Variants in LRMDA observed in about 807,000 individuals in gnomAD.
The protein encoded by LRMDA is leucine rich melanocyte differentiation associated, also known as leucine-rich melanocyte differentiation-associated protein.
A neutral mutation model predicts 29.8 loss-of-function variants in LRMDA; 18 were observed. The observed-to-expected ratio is 0.60, with a 90% CI of 0.42 to 0.90. The LOEUF (loss-of-function observed/expected upper bound fraction) is 0.90. LRMDA is among the 40% of genes least tolerant of loss of function. LRMDA has a pLI of 0.00. For synonymous variants in LRMDA, 125 were observed against 109.4 expected, an observed-to-expected ratio of 1.14 and a Z score of -0.89; for missense variants, 273 against 273.9, an observed-to-expected ratio of 1.00 and a Z score of 0.02.
intron 2 of LRMDA, among the ~76,000 whole-genome samples, chr10:75,602,889 G>T (rs1564520036): frequency 6.6e-6 from 1 of 152,142 alleles, no homozygotes; most frequent in Non-Finnish European, 1.5e-5. Context: ...AAGAACGTAA[G>T]AAATACTGAG....
intron 5 of LRMDA, among the ~76,000 whole-genome samples, chr10:76,285,011 T>C (rs935018871): frequency 1.3e-5 from 2 of 152,162 alleles, no homozygotes; most frequent in African/African-American, 4.8e-5. Flanking sequence ...AGTATGAGAA[T>C]AGATAATACA....
chr10:75,845,563 A>T (rs905832037), intron 2 of LRMDA, among the ~76,000 whole-genome samples: 4 of 152,164 alleles, frequency 2.6e-5, no homozygotes, highest in African/African-American at 9.7e-5. Context: ...ATGAGGCCAT[A>T]TTCTTGCGTC....
intron 2 of LRMDA, among the ~76,000 whole-genome samples, chr10:75,790,380 A>G (rs1174995261): frequency 6.6e-6 from 1 of 152,234 alleles, no homozygotes; most frequent in Non-Finnish European, 1.5e-5. Context: ...ATTATATGCT[A>G]GACATTTAAC....
chr10:75,814,121 G>A (rs766150684), intron 2 of LRMDA, among the ~76,000 whole-genome samples: 1 of 152,212 alleles, frequency 6.6e-6, no homozygotes, highest in Non-Finnish European at 1.5e-5. Flanking sequence ...AGAGTGAAGA[G>A]GTTCCTTCTG....
intron 2 of LRMDA, among the ~76,000 whole-genome samples, chr10:75,670,687 G>T (rs1002040129): frequency 6.6e-6 from 1 of 152,108 alleles, no homozygotes; most frequent in Non-Finnish European, 1.5e-5. Flanking sequence ...CTTCCCGTTT[G>T]TCTTAGCCTG....
chr10:76,091,342 A>G (rs914218062), intron 5 of LRMDA, among the ~76,000 whole-genome samples: 5 of 151,498 alleles, frequency 3.3e-5, no homozygotes, highest in Non-Finnish European at 7.4e-5. Context: ...CTTTGTATAC[A>G]TGGTAAGTTA....
intron 3 of LRMDA, among the ~76,000 whole-genome samples, chr10:76,044,943 T>A (rs901032782): frequency 1.3e-5 from 2 of 151,986 alleles, no homozygotes; most frequent in Non-Finnish European, 2.9e-5. Flanking sequence ...TCTTGTTAGT[T>A]TCCCCCTCTT....
intron 5 of LRMDA, among the ~76,000 whole-genome samples, chr10:76,089,590 A>G (rs1236782532): frequency 6.6e-6 from 1 of 152,132 alleles, no homozygotes; most frequent in African/African-American, 2.4e-5. Flanking sequence ...CTTGTCTGTT[A>G]TGCTTGGAGG....
At chr10:75,879,056 T>C (rs1454922948) in intron 2 of LRMDA, among the ~76,000 whole-genome samples, 1 of 152,182 alleles carries the variant, frequency 6.6e-6, no homozygotes, top group East Asian at 1.9e-4. Context: ...ACACATCTGT[T>C]CCCCAGGTGA....
intron 2 of LRMDA, among the ~76,000 whole-genome samples, chr10:75,644,603 T>C (rs141468766): frequency 6.6e-6 from 1 of 152,156 alleles, no homozygotes; most frequent in South Asian, 2.1e-4. Context: ...GCAGGGTGGC[T>C]GAGCCGGCTG....
At chr10:76,462,059 C>CA (rs386371868) in intron 6 of LRMDA, among the ~76,000 whole-genome samples, 33,359 of 122,078 alleles carry the variant, frequency 0.27, 5,451 homozygotes, top group Non-Finnish European at 0.36. Flanking sequence ...AACTCTGTCT[C>CA]AAAAAAAAAA....
intron 5 of LRMDA, among the ~76,000 whole-genome samples, chr10:76,183,042 C>A (rs763424998): frequency 3.9e-4 from 59 of 152,276 alleles, no homozygotes; most frequent in Non-Finnish European, 7.5e-4. Flanking sequence ...ACAATATGGA[C>A]CCAAAAGAGG....
chr10:76,094,782 C>G (rs1250939856), intron 5 of LRMDA, among the ~76,000 whole-genome samples: 1 of 152,048 alleles, frequency 6.6e-6, no homozygotes, highest in East Asian at 1.9e-4. Flanking sequence ...ACAGAAGTAA[C>G]TACTATTAAA....
intron 2 of LRMDA, among the ~76,000 whole-genome samples, chr10:75,903,594 T>A (rs938586037): frequency 5.3e-5 from 8 of 152,204 alleles, no homozygotes; most frequent in Non-Finnish European, 7.3e-5. Flanking sequence ...ACAATAATAA[T>A]GATGATGACT....
At chr10:75,903,122 G>A (rs555513776) in intron 2 of LRMDA, among the ~76,000 whole-genome samples, 3 of 152,348 alleles carry the variant, frequency 2.0e-5, no homozygotes, top group East Asian at 1.9e-4. Flanking sequence ...TAAAATCAAC[G>A]TATCTTGCTC....
chr10:76,011,281 A>C (rs1589287883), intron 2 of LRMDA, among the ~76,000 whole-genome samples: 2 of 152,250 alleles, frequency 1.3e-5, no homozygotes, highest in Non-Finnish European at 1.5e-5. Context: ...AAAGACCCCA[A>C]CAGCCAGTCA....
At chr10:75,481,615 G>A (rs1048178635) in intron 2 of LRMDA, among the ~76,000 whole-genome samples, 5 of 152,130 alleles carry the variant, frequency 3.3e-5, no homozygotes, top group African/African-American at 9.7e-5. Context: ...GTCCACTCAC[G>A]CATCCTCTAT....
At chr10:76,147,504 C>T (rs1337324933) in intron 5 of LRMDA, among the ~76,000 whole-genome samples, 5 of 152,282 alleles carry the variant, frequency 3.3e-5, no homozygotes, top group South Asian at 2.1e-4. Flanking sequence ...GCATTCGTCA[C>T]GTAGCTCTCG....
intron 2 of LRMDA, among the ~76,000 whole-genome samples, chr10:75,675,685 G>A (rs1206948780): frequency 1.4e-5 from 2 of 147,278 alleles, no homozygotes; most frequent in African/African-American, 5.1e-5. Context: ...TGAAAAGGTC[G>A]CACCAGAAAT....
Sources: gnomAD v4.1 joint callset for allele counts (sites outside exome capture counted in the v4.1 genomes callset) on GRCh38, gnomAD v4.1.1 for gene constraint, MANE v1.5 for transcripts, NCBI Gene and HGNC (gene_info 2026-07-23, HGNC 2026-07-21) for gene names.